Variants in LRP12 observed in about 807,000 individuals in gnomAD.
The protein encoded by LRP12 is LDL receptor related protein 12, also known as low-density lipoprotein receptor-related protein 12.
LRP12 carries 14 observed loss-of-function variants against 66.0 expected under a neutral mutation model. The ratio of observed to expected loss-of-function variants is 0.21; its 90% CI spans 0.14 to 0.33. LRP12 has a LOEUF of 0.33. Ranked by LOEUF, LRP12 falls within the 10% of genes least tolerant of loss-of-function variation. LRP12 has a pLI of 1.00. For synonymous variants in LRP12, 357 were observed against 359.1 expected (o/e 0.99, Z 0.07); for missense variants, 889 against 1,053.4 (o/e 0.84, Z 2.16).
At chr8:104,548,194 A>ATATATAAATATATGATATATTTATATT (rs561640568) in intron 1 of LRP12, among the ~76,000 whole-genome samples, 9 of 79,640 alleles carry the variant, frequency 1.1e-4, no homozygotes, top group Admixed American at 9.6e-4. Context: ...ATATATATAT[A>ATATATAAATATATGATATATTTATATT]AATATATGAT....
At chr8:104,526,105 T>C (rs1159328483) in intron 2 of LRP12, among the ~76,000 whole-genome samples, 2 of 151,930 alleles carry the variant, frequency 1.3e-5, no homozygotes, top group East Asian at 1.9e-4. Flanking sequence ...AATAAAATAC[T>C]TAGGAATCCA....
intron 1 of LRP12, among the ~76,000 whole-genome samples, chr8:104,571,283 G>C (rs1167197739): frequency 6.6e-6 from 1 of 152,148 alleles, no homozygotes; most frequent in East Asian, 1.9e-4. Flanking sequence ...GGCCTATTAG[G>C]AAGTGGGCAG....
intron 1 of LRP12, among the ~76,000 whole-genome samples, chr8:104,585,748 G>C (rs1812319164): frequency 6.6e-6 from 1 of 152,158 alleles, no homozygotes; most frequent in African/African-American, 2.4e-5. Flanking sequence ...GAAGCAATGT[G>C]TATTTTAAGG....
Position 104,497,159 on chromosome 8 carries a change from A to G in LRP12, c.1393T>C (p.Phe465Leu). The stretch of plus-strand genomic sequence containing the variant: ...TGAGAATCACACACCCAACTTTCAA[A>G]CACACAACGATTGTTTTTACAATGG... Reference protein sequence around the residue: ...NFHCKNNRCVFESWVCDSQDD... With the variant: ...NFHCKNNRCVLESWVCDSQDD... Residue 465 changes from phenylalanine (F) to leucine (L), a missense_variant, in exon 5 of 7, where the codon TTT (phenylalanine) becomes CTT (leucine). Coordinates refer to ENST00000276654, the MANE Select transcript of LRP12 (RefSeq NM_013437.5). This position sits in a 1 kb window ranked among gnomAD's most constrained non-coding sequence, Gnocchi z 4.3. 6.2e-7 allele frequency: 1 copy of G among 1,610,890 alleles called. No homozygotes were observed. Among genetic ancestry groups the G allele is most frequent in the South Asian group, 1.1e-5 (1 of 90,354 alleles).
chr8:104,558,672 C>G (rs1182853312), intron 1 of LRP12, among the ~76,000 whole-genome samples: 1 of 151,958 alleles, frequency 6.6e-6, no homozygotes, highest in Admixed American at 6.6e-5. Flanking sequence ...AACAGACAAC[C>G]CACAGAGTGG....
intron 1 of LRP12, among the ~76,000 whole-genome samples, chr8:104,574,982 G>C (rs1015417749): frequency 6.6e-6 from 1 of 152,148 alleles, no homozygotes; most frequent in African/African-American, 2.4e-5. Flanking sequence ...AAGGACAGCA[G>C]GAGTTAACCT....
rs761353727 is a variant in LRP12, at chr8:104,499,275, C to T, written c.475+42G>A. 3.4e-6 allele frequency: 5 copies of T among 1,487,138 alleles called. No homozygotes were observed. In the East Asian group the frequency reaches 6.8e-5, roughly 20 times the overall value. 92.1% of individuals were successfully genotyped at this position (1,487,138 alleles called of 1,614,324 possible). ...CTCCGAAGTGACAGAGCAGTTAATA[C>T]CATAAAATTCAGTTCAATATCTTTC... On this transcript the variant is annotated intron_variant, in intron 4 of 6. Transcript: ENST00000276654.
At chr8:104,566,333 T>C (rs112662178) in intron 1 of LRP12, 4,590 of 239,050 alleles carry the variant, frequency 0.019, 132 homozygotes, top group African/African-American at 0.066. Flanking sequence ...ATTCCTCAGG[T>C]TGAAGATTAA....
Position 104,531,892 on chromosome 8 carries a change from C to CA in LRP12, c.136+14dup. ...AGTCATGCATGAAATTTAAACATTACAAAAAATGACTTACCAGTTGACACT... is the reference window on the plus strand; with the variant it reads ...AGTCATGCATGAAATTTAAACATTACAAAAAAATGACTTACCAGTTGACACT... On this transcript the variant is annotated intron_variant, in intron 2 of 6. Transcript: ENST00000276654. 1.3e-6 allele frequency: 2 copies of CA among 1,554,228 alleles called. No homozygotes were observed. Among genetic ancestry groups the CA allele is most frequent in the Non-Finnish European group, 1.8e-6 (2 of 1,141,930 alleles).
chr8:104,513,004 T>G (rs1469028342), intron 2 of LRP12, among the ~76,000 whole-genome samples: 1 of 152,232 alleles, frequency 6.6e-6, no homozygotes, highest in South Asian at 2.1e-4. Context: ...GATTTAGTTA[T>G]GCACATTTCC....
At chr8:104,544,173 G>A (rs1329588954) in intron 1 of LRP12, among the ~76,000 whole-genome samples, 1 of 152,196 alleles carries the variant, frequency 6.6e-6, no homozygotes, top group East Asian at 1.9e-4. Flanking sequence ...ATCGCCTTAA[G>A]CCAAAGCCTA....
At chr8:104,578,278 C>G (rs951969218) in intron 1 of LRP12, among the ~76,000 whole-genome samples, 1 of 152,210 alleles carries the variant, frequency 6.6e-6, no homozygotes, top group Admixed American at 6.5e-5. Context: ...TGCACATAAA[C>G]TAGAAAAATC....
At chr8:104,512,105 G>T (rs1353300485) in intron 2 of LRP12, among the ~76,000 whole-genome samples, 1 of 152,110 alleles carries the variant, frequency 6.6e-6, no homozygotes, top group South Asian at 2.1e-4. Context: ...TAAGTTATTT[G>T]TAAGAACTTC....
At chr8:104,525,440 AG>A (rs1811219445) in intron 2 of LRP12, among the ~76,000 whole-genome samples, 1 of 152,190 alleles carries the variant, frequency 6.6e-6, no homozygotes, top group African/African-American at 2.4e-5. Flanking sequence ...GGAAATAAAC[AG>A]AATATTAAAA....
chr8:104,588,961 A>ACGCCGC lies in LRP12; in HGVS notation c.-65_-64insGCGGCG, dbSNP rs1408393432. 22 of 972,308 alleles carry ACGCCGC rather than the reference A, an allele frequency of 2.3e-5. No homozygotes were observed. In the African/African-American group the frequency reaches 5.5e-4, roughly 25 times the overall value. 60.2% of individuals were successfully genotyped at this position (972,308 alleles called of 1,614,324 possible). ...AGGAGGGAGGAGAAGCTGGAGGTAGACGACGCCGACGCCGCCGCCGCCGCC... is the reference window on the plus strand; with the variant it reads ...AGGAGGGAGGAGAAGCTGGAGGTAGACGCCGCCGACGCCGACGCCGCCGCCGCCGCC... On this transcript the variant is annotated 5_prime_UTR_variant, in exon 1 of 7. Coordinates refer to ENST00000276654, the MANE Select transcript of LRP12 (RefSeq NM_013437.5).
At chr8:104,588,054 A>AG (rs1812362237) in intron 1 of LRP12, among the ~76,000 whole-genome samples, 2 of 152,230 alleles carry the variant, frequency 1.3e-5, no homozygotes, top group Non-Finnish European at 2.9e-5. Flanking sequence ...GCCTTCTCTT[A>AG]ACCCGAAAGG....
chr8:104,541,598 T>G (rs1318823811), intron 1 of LRP12, among the ~76,000 whole-genome samples: 1 of 152,254 alleles, frequency 6.6e-6, no homozygotes, highest in Non-Finnish European at 1.5e-5. Flanking sequence ...CACCACCATC[T>G]AATGCCTGAA....
intron 1 of LRP12, among the ~76,000 whole-genome samples, chr8:104,540,792 G>C (rs954591633): frequency 6.6e-6 from 1 of 152,168 alleles, no homozygotes; most frequent in African/African-American, 2.4e-5. Flanking sequence ...AGAGTGCTGT[G>C]GCACGATCTC....
chr8:104,585,612 T>C (rs1279059922), intron 1 of LRP12, among the ~76,000 whole-genome samples: 1 of 152,106 alleles, frequency 6.6e-6, no homozygotes, highest in African/African-American at 2.4e-5. Flanking sequence ...ATTTATTTAA[T>C]GAGTCCAGAC....
Sources: allele counts gnomAD v4.1 joint callset (sites outside exome capture counted in the v4.1 genomes callset), GRCh38; gene constraint gnomAD v4.1.1; non-coding constraint Gnocchi (gnomAD v3.1); transcripts MANE v1.5; gene names NCBI Gene and HGNC (gene_info 2026-07-23, HGNC 2026-07-21).